The following UQCC1 variants were observed in gnomAD, a reference collection of about 807,000 sequenced individuals.
UQCC1 encodes bFGF-repressed Zic-binding protein.
UQCC1 carries 38 observed loss-of-function variants against 48.0 expected under a neutral mutation model. The ratio of observed to expected loss-of-function variants is 0.79; its 90% CI spans 0.61 to 1.04. The LOEUF (loss-of-function observed/expected upper bound fraction) is 1.04. Ranked by LOEUF, UQCC1 falls within the 50% of genes least tolerant of loss-of-function variation. UQCC1 has a pLI of 0.00. For synonymous variants in UQCC1, 111 were observed against 129.2 expected (o/e 0.86, Z 0.95); for missense variants, 368 against 381.8 (o/e 0.96, Z 0.30).
intron 2 of UQCC1, chr20:35,392,296 C>T (rs757500149): frequency 3.8e-6 from 5 of 1,304,086 alleles, no homozygotes; most frequent in East Asian, 1.1e-4. Context: ...TAGGAAGATA[C>T]TCCAGTAAGT....
At chr20:35,357,175 C>T (rs994925534) in intron 6 of UQCC1, among the ~76,000 whole-genome samples, 11 of 150,460 alleles carry the variant, frequency 7.3e-5, no homozygotes, top group African/African-American at 2.0e-4. Flanking sequence ...ACCTGAGCTC[C>T]GGAGTTCGAG....
chr20:35,410,755 TA>T (rs57478774), intron 1 of UQCC1, among the ~76,000 whole-genome samples: 6,255 of 40,532 alleles, frequency 0.15, 297 homozygotes, highest in South Asian at 0.28. Context: ...GGGGAAGGAT[TA>T]AAAAAAAAAA....
In UQCC1 at chr20:35,323,143, G is replaced by A. The variant is rs559787635; in HGVS notation, c.574-8378C>T. ...ATTGCAGGCGTGAGCCACCGCGCCC[G>A]GCCCCAATCTACTGTCTTTTCTAAG... On this transcript the variant is annotated intron_variant, in intron 7 of 9. Coordinates refer to ENST00000374385, the MANE Select transcript of UQCC1 (RefSeq NM_018244.5). 3.9e-5 allele frequency among the ~76,000 whole-genome samples: 6 copies of A among 152,268 alleles called. No individual in the cohort carries two copies. The South Asian group carries it at 8.3e-4, about 21-fold the overall frequency.
At chr20:35,383,642 G>C (rs549613833) in intron 3 of UQCC1, among the ~76,000 whole-genome samples, 2 of 152,250 alleles carry the variant, frequency 1.3e-5, no homozygotes, top group South Asian at 2.1e-4. Context: ...TTGAAGCCAG[G>C]AGTTTGAGAC....
At chr20:35,326,847 T>C (rs1035935461) in intron 7 of UQCC1, among the ~76,000 whole-genome samples, 1 of 152,162 alleles carries the variant, frequency 6.6e-6, no homozygotes. Context: ...TTGTTCCACA[T>C]CACTACCAAC....
intron 8 of UQCC1, among the ~76,000 whole-genome samples, chr20:35,310,903 T>G (rs1049119022): frequency 1.3e-5 from 2 of 149,700 alleles, no homozygotes; most frequent in African/African-American, 4.9e-5. Flanking sequence ...TTTCACCATG[T>G]TGGTCAGGCT....
chr20:35,378,368 CTT>C (rs1360823345), intron 4 of UQCC1, among the ~76,000 whole-genome samples: 3 of 152,158 alleles, frequency 2.0e-5, no homozygotes, highest in Non-Finnish European at 4.4e-5. Flanking sequence ...AATCCCAGCA[CTT>C]TGAGAGGCCG....
In UQCC1 at chr20:35,309,435, G is replaced by GAAA. The variant is rs572365364; in HGVS notation, c.652-2659_652-2657dup. Reference sequence around the variant, plus strand: ...GCAACAGAGTGAGACCCTGTCTTAGGAAAAAAAAAAAGAATAGCTGAATAA... The same window carrying GAAA: ...GCAACAGAGTGAGACCCTGTCTTAGGAAAAAAAAAAAAAAGAATAGCTGAATAA... On this transcript the variant is annotated intron_variant, in intron 8 of 9. Transcript: ENST00000374385. Among the ~76,000 whole-genome samples the GAAA allele has an allele frequency of 2.1e-5, 3 of 143,358 alleles. No homozygotes were observed. In the South Asian group the frequency reaches 6.6e-4, roughly 32 times the overall value. 94.0% of individuals were successfully genotyped at this position (143,358 alleles called of 152,430 possible). A position where few individuals can be genotyped will look rare whatever the true frequency, so the allele number is the denominator to read the frequency against.
chr20:35,312,830 T>C (rs2061009080), intron 8 of UQCC1, among the ~76,000 whole-genome samples: 1 of 152,204 alleles, frequency 6.6e-6, no homozygotes, highest in African/African-American at 2.4e-5. Context: ...ATTCTACTTA[T>C]ATGAATTATC....
chr20:35,404,789 C>G (rs2062227012), intron 1 of UQCC1, among the ~76,000 whole-genome samples: 1 of 151,604 alleles, frequency 6.6e-6, no homozygotes, highest in Non-Finnish European at 1.5e-5. Context: ...TGTGAAAAAA[C>G]CTTTTCCCCA....
chr20:35,316,732 G>A (rs1455144064), intron 7 of UQCC1, among the ~76,000 whole-genome samples: 2 of 152,010 alleles, frequency 1.3e-5, no homozygotes, highest in African/African-American at 4.8e-5. Flanking sequence ...TCCGCCTCCC[G>A]GGTTCACAGC....
At chr20:35,366,227 T>C (rs551577307) in intron 6 of UQCC1, among the ~76,000 whole-genome samples, 1 of 152,186 alleles carries the variant, frequency 6.6e-6, no homozygotes, top group African/African-American at 2.4e-5. Flanking sequence ...CAAACCACTT[T>C]TACGTAAATG....
At chr20:35,372,164 T>C (rs978161212) in intron 5 of UQCC1, among the ~76,000 whole-genome samples, 5 of 151,308 alleles carry the variant, frequency 3.3e-5, no homozygotes, top group African/African-American at 1.2e-4. Context: ...ACAAAAAAAT[T>C]AGCCGGGCAT....
intron 7 of UQCC1, chr20:35,344,895 C>A (rs899899085): frequency 2.0e-5 from 3 of 152,262 alleles, no homozygotes; most frequent in Non-Finnish European, 4.4e-5. Context: ...CATCTCCCAA[C>A]CTCCAAGGAG....
chr20:35,378,813 T>C (rs1046952791), intron 4 of UQCC1, among the ~76,000 whole-genome samples: 6 of 152,210 alleles, frequency 3.9e-5, no homozygotes, highest in African/African-American at 1.4e-4. Flanking sequence ...GATTCTTATT[T>C]TGCTAAACTT....
chr20:35,345,541 A>C (rs1255530674), intron 7 of UQCC1: 8 of 152,342 alleles, frequency 5.3e-5, no homozygotes, highest in Middle Eastern at 6.8e-3. Flanking sequence ...CGACAGAAAG[A>C]AAGCAAAAAA....
At chr20:35,372,940 G>A (rs2061751626) in intron 5 of UQCC1, among the ~76,000 whole-genome samples, 1 of 152,176 alleles carries the variant, frequency 6.6e-6, no homozygotes, top group African/African-American at 2.4e-5. Context: ...TTTCTTCATT[G>A]TTGTGAACAC....
At chr20:35,316,146 T>A (rs2061056874) in intron 7 of UQCC1, among the ~76,000 whole-genome samples, 1 of 152,214 alleles carries the variant, frequency 6.6e-6, no homozygotes, top group Non-Finnish European at 1.5e-5. Flanking sequence ...GAGTAAGGAC[T>A]CTGACTATCT....
chr20:35,316,873 C>G (rs1470242093), intron 7 of UQCC1, among the ~76,000 whole-genome samples: 1 of 151,916 alleles, frequency 6.6e-6, no homozygotes, highest in East Asian at 1.9e-4. Flanking sequence ...CTCCTGACCT[C>G]GTGATCCACC....
Sources: gnomAD v4.1 joint callset for allele counts (sites outside exome capture counted in the v4.1 genomes callset) on GRCh38, gnomAD v4.1.1 for gene constraint, MANE v1.5 for transcripts, NCBI Gene and HGNC (gene_info 2026-07-23, HGNC 2026-07-21) for gene names.